Variants in PCDH9 observed in about 807,000 individuals in gnomAD.
The protein encoded by PCDH9 is protocadherin 9.
A neutral mutation model predicts 70.6 loss-of-function variants in PCDH9; 24 were observed. The ratio of observed to expected loss-of-function variants is 0.34; its 90% CI spans 0.25 to 0.48. PCDH9 has a LOEUF of 0.48. Ranked by LOEUF, PCDH9 falls within the 20% of genes least tolerant of loss-of-function variation. The pLI is 0.99. For synonymous variants in PCDH9, 562 were observed against 558.5 expected, an observed-to-expected ratio of 1.01 and a Z score of -0.09; for missense variants, 1,281 against 1,503.6, an observed-to-expected ratio of 0.85 and a Z score of 2.45.
chr13:67,099,194 T>C (rs1011277233), intron 2 of PCDH9, among the ~76,000 whole-genome samples: 2 of 152,212 alleles, frequency 1.3e-5, no homozygotes, highest in Non-Finnish European at 2.9e-5. Context: ...AATGTTATCT[T>C]GATGTTCCAG....
intron 3 of PCDH9, among the ~76,000 whole-genome samples, chr13:66,761,913 G>C (rs2079634947): frequency 6.6e-6 from 1 of 150,974 alleles, no homozygotes; most frequent in Non-Finnish European, 1.5e-5. Flanking sequence ...TTGTCCATTT[G>C]GTAGTGTCAT....
chr13:66,629,696 C>T (rs187418026), intron 4 of PCDH9, among the ~76,000 whole-genome samples: 12 of 152,124 alleles, frequency 7.9e-5, no homozygotes, highest in African/African-American at 2.4e-4. Context: ...ATAACAAAAC[C>T]AGAGCTGGCA....
intron 3 of PCDH9, among the ~76,000 whole-genome samples, chr13:66,736,057 C>G (rs922281815): frequency 6.6e-6 from 1 of 151,928 alleles, no homozygotes; most frequent in African/African-American, 2.4e-5. Flanking sequence ...TAAAAGTTAA[C>G]TGAGTATATT....
At chr13:66,702,999 T>C (rs1409527327) in intron 3 of PCDH9, among the ~76,000 whole-genome samples, 1 of 152,200 alleles carries the variant, frequency 6.6e-6, no homozygotes, top group Non-Finnish European at 1.5e-5. Flanking sequence ...CACAAACACA[T>C]ATATATATTT....
chr13:66,422,559 G>A (rs1957586601), intron 4 of PCDH9, among the ~76,000 whole-genome samples: 1 of 152,056 alleles, frequency 6.6e-6, no homozygotes, highest in Admixed American at 6.6e-5. Flanking sequence ...ATGACTGCTG[G>A]GTAAATAACA....
chr13:66,306,198 A>G (rs1955461382), intron 4 of PCDH9: 1 of 152,068 alleles, frequency 6.6e-6, no homozygotes, highest in Non-Finnish European at 1.5e-5. Context: ...TTAGTCATCA[A>G]TTTAAATCGC....
chr13:67,110,087 A>G (rs2086624778), intron 2 of PCDH9, among the ~76,000 whole-genome samples: 1 of 152,146 alleles, frequency 6.6e-6, no homozygotes, highest in African/African-American at 2.4e-5. Flanking sequence ...TTAATAATCA[A>G]TAGACTGACA....
At chr13:66,489,905 G>T (rs974898399) in intron 4 of PCDH9, among the ~76,000 whole-genome samples, 1 of 152,148 alleles carries the variant, frequency 6.6e-6, no homozygotes, top group African/African-American at 2.4e-5. Context: ...TTCTATTGCA[G>T]AACTCTTAGA....
chr13:66,730,331 T>C (rs924785579), intron 3 of PCDH9, among the ~76,000 whole-genome samples: 3 of 152,188 alleles, frequency 2.0e-5, no homozygotes, highest in African/African-American at 7.2e-5. Context: ...AAATCAATTG[T>C]TATTTTAATC....
chr13:66,565,610 C>T (rs529182195), intron 4 of PCDH9, among the ~76,000 whole-genome samples: 1 of 152,264 alleles, frequency 6.6e-6, no homozygotes, highest in South Asian at 2.1e-4. Flanking sequence ...CATCTTCAGG[C>T]AATTCCATCA....
At chr13:66,419,371 C>T (rs781640470) in intron 4 of PCDH9, among the ~76,000 whole-genome samples, 3 of 151,878 alleles carry the variant, frequency 2.0e-5, no homozygotes, top group African/African-American at 4.8e-5. Context: ...CGCAAGATGG[C>T]GGAATAGGAA....
rs1349956890 is a variant in PCDH9 at position 66,533,092 on chromosome 13, G to A, written c.3340+98118C>T. 2.0e-5 allele frequency among the ~76,000 whole-genome samples: 3 copies of A among 152,102 alleles called. No homozygotes were observed. The East Asian group carries it at 5.8e-4, about 29-fold the overall frequency. The stretch of plus-strand genomic sequence containing the variant: ...GAACTCCGGCAGTTCAGTGCTGTTG[G>A]GATTCAGGGCTTCTGGGCTGACGTT... On this transcript the variant is annotated intron_variant, in intron 4 of 4. Transcript: ENST00000377865.
At chr13:66,442,759 G>A (rs567411850) in intron 4 of PCDH9, among the ~76,000 whole-genome samples, 1 of 151,872 alleles carries the variant, frequency 6.6e-6, no homozygotes, top group South Asian at 2.1e-4. Context: ...GGATGAATTT[G>A]GTTATGAAAC....
intron 4 of PCDH9, among the ~76,000 whole-genome samples, chr13:66,558,259 T>C (rs1258279636): frequency 6.6e-6 from 1 of 152,210 alleles, no homozygotes; most frequent in Non-Finnish European, 1.5e-5. Flanking sequence ...AAAGAAAGTA[T>C]GTTTAAAAAG....
intron 3 of PCDH9, among the ~76,000 whole-genome samples, chr13:66,691,954 T>G (rs1370686128): frequency 6.6e-6 from 1 of 152,162 alleles, no homozygotes; most frequent in East Asian, 1.9e-4. Context: ...ACATGGAAAA[T>G]AAATTTTTAG....
At chr13:66,872,691 A>G (rs943561153) in intron 3 of PCDH9, among the ~76,000 whole-genome samples, 1 of 152,036 alleles carries the variant, frequency 6.6e-6, no homozygotes, top group African/African-American at 2.4e-5. Flanking sequence ...TCAATATGAT[A>G]TTTTAACACA....
chr13:66,463,723 T>C (rs1391780007), intron 4 of PCDH9, among the ~76,000 whole-genome samples: 2 of 151,806 alleles, frequency 1.3e-5, no homozygotes, highest in Non-Finnish European at 2.9e-5. Flanking sequence ...TCCATTCCCT[T>C]ATATCCTTAT....
intron 2 of PCDH9, among the ~76,000 whole-genome samples, chr13:66,986,975 C>T (rs1422900466): frequency 6.6e-6 from 1 of 151,548 alleles, no homozygotes. Flanking sequence ...TGATATATTA[C>T]CTATATCACA....
intron 3 of PCDH9, among the ~76,000 whole-genome samples, chr13:66,647,873 C>G (rs1438128216): frequency 6.6e-6 from 1 of 152,146 alleles, no homozygotes; most frequent in Non-Finnish European, 1.5e-5. Context: ...CAGAAGCTGA[C>G]TGAAGAGCCC....
Sources: gnomAD v4.1 joint callset for allele counts (sites outside exome capture counted in the v4.1 genomes callset) on GRCh38, gnomAD v4.1.1 for gene constraint, MANE v1.5 for transcripts, NCBI Gene and HGNC (gene_info 2026-07-23, HGNC 2026-07-21) for gene names.